The following PATJ variants were observed in gnomAD, a reference collection of about 807,000 sequenced individuals.
PATJ encodes PATJ crumbs cell polarity complex component.
PATJ carries 190 observed loss-of-function variants against 224.9 expected under a neutral mutation model. The observed-to-expected ratio is 0.84, with a 90% CI of 0.75 to 0.95. PATJ has a LOEUF of 0.95. Among genes scored for constraint, PATJ ranks in the 40% least tolerant of loss-of-function variants. PATJ has a pLI of 0.00. For missense variants in PATJ, 2,121 were observed against 2,270.3 expected, an observed-to-expected ratio of 0.93 and a Z score of 1.34; for synonymous variants, 769 against 820.3, an observed-to-expected ratio of 0.94 and a Z score of 1.07.
intron 28 of PATJ, among the ~76,000 whole-genome samples, chr1:62,004,366 T>G (rs1645968589): frequency 6.6e-6 from 1 of 152,178 alleles, no homozygotes; most frequent in African/African-American, 2.4e-5. Flanking sequence ...GGGTGAATAT[T>G]CAACATACCT....
Position 62,039,877 on chromosome 1 carries a change from C to G in PATJ, c.4032+1828C>G, listed in dbSNP as rs979273942. On this transcript the variant is annotated intron_variant, in intron 30 of 43. Coordinates refer to ENST00000642238, the MANE Select transcript of PATJ (RefSeq NM_001350145.3). ...ACTGCTGGTGCCTTCTTGTGCAGGA[C>G]TAGGCCAAAAACTCGCCAGGTGGGA... Among the ~76,000 whole-genome samples the G allele has an allele frequency of 2.6e-5, 4 of 151,950 alleles. No homozygotes were observed. In the East Asian group the frequency reaches 7.8e-4, roughly 29 times the overall value.
chr1:61,813,382 C>CATATATATATATATATAT (rs1655352023), intron 14 of PATJ, among the ~76,000 whole-genome samples: 5 of 26,174 alleles, frequency 1.9e-4, no homozygotes, highest in African/African-American at 6.3e-4. Flanking sequence ...TATATATACA[C>CATATATATATATATATAT]ACACACACAC....
chr1:62,088,005 C>G, intron 33 of PATJ, among the ~76,000 whole-genome samples: 1 of 151,678 alleles, frequency 6.6e-6, no homozygotes, highest in Non-Finnish European at 1.5e-5. Context: ...GATTCTCCTG[C>G]CTCAGCCTCC....
intron 29 of PATJ, among the ~76,000 whole-genome samples, chr1:62,020,074 G>A (rs2148399664): frequency 6.6e-6 from 1 of 152,198 alleles, no homozygotes; most frequent in African/African-American, 2.4e-5. Context: ...GGAGGCTGAG[G>A]CAGGAGCATC....
intron 26 of PATJ, 135 bp downstream of exon 26, chr1:61,914,799 T>C (rs899846895): frequency 8.3e-6 from 4 of 482,682 alleles, no homozygotes; most frequent in African/African-American, 7.9e-5. Context: ...ATAATTTTTT[T>C]CCCTGCAAAT....
chr1:61,881,065 G>T (rs1031760460), intron 21 of PATJ, among the ~76,000 whole-genome samples: 5 of 152,214 alleles, frequency 3.3e-5, no homozygotes, highest in Non-Finnish European at 4.4e-5. Flanking sequence ...CTGCACTCCA[G>T]CCTGGGTGAC....
At chr1:61,984,797 C>T (rs975663803) in intron 27 of PATJ, among the ~76,000 whole-genome samples, 4 of 151,974 alleles carry the variant, frequency 2.6e-5, no homozygotes, top group African/African-American at 9.7e-5. Context: ...TGGGTAACTT[C>T]AGCTACTGGT....
chr1:61,856,333 T>A, intron 18 of PATJ, 94 bp downstream of exon 18: 1 of 956,346 alleles, frequency 1.0e-6, no homozygotes, highest in Non-Finnish European at 1.6e-6. Context: ...CAAGAATTTC[T>A]GTTCTACTGT....
intron 25 of PATJ, among the ~76,000 whole-genome samples, chr1:61,910,880 G>T (rs928730647): frequency 6.6e-6 from 1 of 152,104 alleles, no homozygotes; most frequent in African/African-American, 2.4e-5. Context: ...TGAGGCAAAT[G>T]AAAGGAGAAT....
intron 21 of PATJ, among the ~76,000 whole-genome samples, 169 bp from the exon 22 acceptor site, chr1:61,884,068 G>A (rs1258114849): frequency 6.6e-6 from 1 of 151,632 alleles, no homozygotes; most frequent in Non-Finnish European, 1.5e-5. Flanking sequence ...TTTCACCATT[G>A]TACCTATCAT....
At chr1:61,931,315 A>C (rs1228439282) in intron 27 of PATJ, among the ~76,000 whole-genome samples, 1 of 152,254 alleles carries the variant, frequency 6.6e-6, no homozygotes, top group Non-Finnish European at 1.5e-5. Context: ...ATAAACAATC[A>C]GATAGTTTAA....
chr1:62,074,161 T>A (rs1021397631), intron 31 of PATJ, among the ~76,000 whole-genome samples: 6 of 142,404 alleles, frequency 4.2e-5, no homozygotes, highest in African/African-American at 1.6e-4. Context: ...AGAAAATGCC[T>A]TTGAAAATTC....
rs139654256 is a variant in PATJ, at chr1:61,776,450, G to T, written c.849+1116G>T. On this transcript the variant is annotated intron_variant, in intron 7 of 43. Coordinates refer to ENST00000642238, the MANE Select transcript of PATJ (RefSeq NM_001350145.3). The stretch of plus-strand genomic sequence containing the variant: ...ATGATTGCATTATTTTCTGCCATGT[G>T]CTTGCAACAAAAAAGAAAAAAAATG... Among the ~76,000 whole-genome samples the T allele has an allele frequency of 2.4e-4, 36 of 152,154 alleles. No homozygotes were observed. In the East Asian group the frequency reaches 6.0e-3, roughly 25 times the overall value.
intron 22 of PATJ, among the ~76,000 whole-genome samples, chr1:61,896,015 A>T (rs1337498130): frequency 6.6e-6 from 1 of 152,162 alleles, no homozygotes; most frequent in African/African-American, 2.4e-5. Context: ...TTTAATGATT[A>T]TGGCCAGGCG....
At chr1:61,831,720 C>T (rs1033495939) in intron 16 of PATJ, among the ~76,000 whole-genome samples, 3 of 152,166 alleles carry the variant, frequency 2.0e-5, no homozygotes, top group African/African-American at 7.2e-5. Context: ...AAACAATTAG[C>T]ACTGCTGGTG....
rs1553278412 is a variant in PATJ, at chr1:62,139,768, C to CTTCT, written c.5272-8514_5272-8513insCTTT. ...CTAAAAGTCATTCTTTTTTTTTTTT[C>CTTCT]TTTTTTTTTGAGACAGGGTCTCACT... On this transcript the variant is annotated intron_variant, in intron 41 of 43. Coordinates refer to ENST00000642238, the MANE Select transcript of PATJ (RefSeq NM_001350145.3). 1.6e-4 allele frequency among the ~76,000 whole-genome samples: 23 copies of CTTCT among 140,094 alleles called. No individual in the cohort carries two copies. The South Asian group carries it at 5.0e-3, about 30-fold the overall frequency. 91.9% of individuals were successfully genotyped at this position (140,094 alleles called of 152,430 possible). A position where few individuals can be genotyped will look rare whatever the true frequency, so the allele number is the denominator to read the frequency against.
At chr1:61,855,943 A>C in intron 17 of PATJ, 87 bp from the exon 18 acceptor site, 2 of 894,544 alleles carry the variant, frequency 2.2e-6, no homozygotes, top group Non-Finnish European at 3.6e-6. Context: ...TGGTCAAATA[A>C]GATTCATCAG....
intron 13 of PATJ, 147 bp downstream of exon 13, chr1:61,805,671 G>A (rs146961045): frequency 3.4e-6 from 2 of 584,242 alleles, no homozygotes. Flanking sequence ...TGGATCAATC[G>A]ATTTTTTTCC....
At chr1:62,040,057 A>G (rs6689358) in intron 30 of PATJ, among the ~76,000 whole-genome samples, 75,832 of 151,228 alleles carry the variant, frequency 0.5, 19,450 homozygotes, top group South Asian at 0.66. Flanking sequence ...TCTAGGGAGC[A>G]TCTGGTGAAG....
Sources: gnomAD v4.1 joint callset for allele counts (sites outside exome capture counted in the v4.1 genomes callset) on GRCh38, gnomAD v4.1.1 for gene constraint, MANE v1.5 for transcripts, NCBI Gene and HGNC (gene_info 2026-07-23, HGNC 2026-07-21) for gene names.